The following HDAC8 variants were observed in gnomAD, a reference collection of about 807,000 sequenced individuals.
The protein encoded by HDAC8 is histone deacetylase 8, also known as histone deacetylase-like 1.
HDAC8 carries 1 observed loss-of-function variant against 32.2 expected under a neutral mutation model. That is an observed-to-expected ratio of 0.03 (90% CI 0.01 to 0.15). The LOEUF (loss-of-function observed/expected upper bound fraction) is 0.15, where lower values mean the gene tolerates loss of function less well. Among genes scored for constraint, HDAC8 ranks in the 10% least tolerant of loss-of-function variants. The probability of loss-of-function intolerance (pLI) is 1.00; values close to 1 mark genes in which losing one functional copy is unlikely to be tolerated. For synonymous variants in HDAC8, 108 were observed against 113.9 expected (o/e 0.95, Z 0.33); for missense variants, 117 against 300.0 (o/e 0.39, Z 4.51).
intron 4 of HDAC8, among the ~76,000 whole-genome samples, chrX:72,516,714 T>C (rs1235059456): frequency 8.9e-6 from 1 of 112,128 alleles, no homozygotes; most frequent in Non-Finnish European, 1.9e-5. Context: ...TTCAAGGATG[T>C]TCAGCACTTC....
chrX:72,337,384 G>A (rs2043729953), intron 10 of HDAC8, among the ~76,000 whole-genome samples: 2 of 111,715 alleles, frequency 1.8e-5, no homozygotes, highest in Admixed American at 1.9e-4. Flanking sequence ...TGTGGCTAGT[G>A]GTGAGACTAT....
chrX:72,342,565 C>G (rs1467752354), intron 10 of HDAC8, among the ~76,000 whole-genome samples: 1 of 112,385 alleles, frequency 8.9e-6, no homozygotes, highest in Non-Finnish European at 1.9e-5. Context: ...AACCTTCCTT[C>G]TACCCCTTGA....
At chrX:72,395,639 G>A (rs1243148253) in intron 9 of HDAC8, among the ~76,000 whole-genome samples, 2 of 112,274 alleles carry the variant, frequency 1.8e-5, no homozygotes, top group African/African-American at 3.2e-5. Context: ...AAATGCGTAC[G>A]CAAGGAAGAA....
chrX:72,559,340 G>A (rs1158886157), intron 4 of HDAC8, among the ~76,000 whole-genome samples: 3 of 109,825 alleles, frequency 2.7e-5, no homozygotes, highest in East Asian at 2.9e-4. Context: ...CCGAGGTGCC[G>A]GGATTGCAGA....
chrX:72,382,071 C>T (rs2045280594), intron 9 of HDAC8, among the ~76,000 whole-genome samples: 1 of 112,517 alleles, frequency 8.9e-6, no homozygotes, highest in Admixed American at 9.4e-5. Flanking sequence ...TAGTTTCCCA[C>T]CAAGCTGATG....
rs1374188845 is a variant in HDAC8, at chrX:72,330,208, C to T, written c.1112-132G>A. The T allele has an allele frequency of 1.0e-5, 5 of 491,174 alleles. No homozygotes were observed. In the South Asian group the frequency reaches 1.5e-4, roughly 14 times the overall value. 40.5% of individuals were successfully genotyped at this position (491,174 alleles called of 1,213,427 possible). ...GCTGCTCTTGGGAACTCTGTGACCT[C>T]GCCATAAGGAACAAGACCAGAATAG... On this transcript the variant is annotated intron_variant, in intron 10 of 10. Transcript: ENST00000373573.
At position 72,355,987 on chromosome X, in the gene HDAC8, C is replaced by T. The variant is rs901657473; in HGVS notation, c.1006-4149G>A. Among the ~76,000 whole-genome samples the T allele has an allele frequency of 4.5e-5, 5 of 112,109 alleles. No homozygotes were observed. The South Asian group carries it at 1.5e-3, about 33-fold the overall frequency. ...GTGGTATAATATTAACAATACTACA[C>T]GTATTACAAGCTTATTATGTGTCAG... On this transcript the variant is annotated intron_variant, in intron 9 of 10. Coordinates refer to ENST00000373573, the MANE Select transcript of HDAC8 (RefSeq NM_018486.3).
chrX:72,472,032 G>A (rs2048191041), intron 7 of HDAC8, among the ~76,000 whole-genome samples: 2 of 108,334 alleles, frequency 1.8e-5, no homozygotes, highest in Non-Finnish European at 1.9e-5. Context: ...TATATGGTGC[G>A]AGGTAAGGGT....
intron 9 of HDAC8, among the ~76,000 whole-genome samples, chrX:72,410,622 G>A (rs2046164498): frequency 9.0e-6 from 1 of 111,628 alleles, no homozygotes; most frequent in Non-Finnish European, 1.9e-5. Context: ...ATTCAAAAGA[G>A]TCATAGATCT....
chrX:72,520,623 T>C (rs1249977154), intron 4 of HDAC8, among the ~76,000 whole-genome samples: 3 of 112,379 alleles, frequency 2.7e-5, no homozygotes, highest in African/African-American at 9.7e-5. Context: ...TTCTACATTA[T>C]CATGCCTAAG....
intron 4 of HDAC8, among the ~76,000 whole-genome samples, chrX:72,556,779 G>A (rs1348121633): frequency 2.7e-5 from 3 of 111,828 alleles, no homozygotes; most frequent in Non-Finnish European, 5.6e-5. Flanking sequence ...CCTAAGAAAT[G>A]AGATAGACAG....
At chrX:72,434,397 C>A (rs1555978422) in intron 9 of HDAC8, among the ~76,000 whole-genome samples, 1 of 112,062 alleles carries the variant, frequency 8.9e-6, no homozygotes, top group African/African-American at 3.2e-5. Flanking sequence ...CTATATGAAG[C>A]ATTTTCTACA....
intron 7 of HDAC8, chrX:72,474,696 C>T: frequency 2.5e-6 from 3 of 1,203,777 alleles, no homozygotes; most frequent in Non-Finnish European, 1.1e-6. Context: ...GCAGCTGCTT[C>T]TACAGGCCTG....
At chrX:72,547,455 C>A (rs1378578840) in intron 4 of HDAC8, among the ~76,000 whole-genome samples, 1 of 108,696 alleles carries the variant, frequency 9.2e-6, no homozygotes, top group Non-Finnish European at 1.9e-5. Context: ...CCTAAGTAAT[C>A]CCATCCATTT....
chrX:72,374,792 T>C (rs961628966), intron 9 of HDAC8, among the ~76,000 whole-genome samples: 3 of 111,116 alleles, frequency 2.7e-5, no homozygotes, highest in Admixed American at 1.9e-4. Flanking sequence ...GTTTTCTTTT[T>C]CTTTTCTTTC....
intron 7 of HDAC8, among the ~76,000 whole-genome samples, chrX:72,476,594 T>A (rs782477925): frequency 9.0e-6 from 1 of 111,547 alleles, no homozygotes; most frequent in East Asian, 2.8e-4. Context: ...CAGATAAGGT[T>A]GGATTCAGTG....
At chrX:72,440,061 C>T (rs905432694) in intron 9 of HDAC8, among the ~76,000 whole-genome samples, 1 of 111,803 alleles carries the variant, frequency 8.9e-6, no homozygotes, top group Non-Finnish European at 1.9e-5. Context: ...CAAAATTGAC[C>T]ACATAATTGG....
At chrX:72,388,141 G>C (rs782368161) in intron 9 of HDAC8, among the ~76,000 whole-genome samples, 4 of 110,315 alleles carry the variant, frequency 3.6e-5, no homozygotes, top group African/African-American at 1.3e-4. Flanking sequence ...AATAGATTAG[G>C]GCCCAATCTA....
At chrX:72,346,185 C>G (rs2044023078) in intron 10 of HDAC8, among the ~76,000 whole-genome samples, 1 of 111,258 alleles carries the variant, frequency 9.0e-6, no homozygotes, top group African/African-American at 3.3e-5. Flanking sequence ...GAATAAAGAG[C>G]CAGCAGGGGA....
Sources: gnomAD v4.1 joint callset for allele counts (sites outside exome capture counted in the v4.1 genomes callset) on GRCh38, gnomAD v4.1.1 for gene constraint, MANE v1.5 for transcripts, NCBI Gene and HGNC (gene_info 2026-07-23, HGNC 2026-07-21) for gene names.